The following EML6 variants were observed in gnomAD, a reference collection of about 807,000 sequenced individuals.
The protein encoded by EML6 is EMAP like 6.
Under a neutral mutation model 240.1 loss-of-function variants are expected in EML6, and 154 were observed. The observed-to-expected ratio is 0.64, with a 90% CI of 0.56 to 0.73. The LOEUF is 0.73. EML6 is among the 30% of genes least tolerant of loss of function. The pLI is 0.00. For synonymous variants in EML6, 1,148 were observed against 899.0 expected, an observed-to-expected ratio of 1.28 and a Z score of -4.95; for missense variants, 2,964 against 2,474.6, an observed-to-expected ratio of 1.20 and a Z score of -4.20.
At chr2:54,802,720 G>T (rs942639863) in intron 2 of EML6, among the ~76,000 whole-genome samples, 1 of 151,256 alleles carries the variant, frequency 6.6e-6, no homozygotes. Context: ...CTGATAAAAG[G>T]CCATGTTACT....
chr2:54,864,893 A>G (rs570862263), intron 13 of EML6, among the ~76,000 whole-genome samples: 26 of 152,346 alleles, frequency 1.7e-4, no homozygotes, highest in African/African-American at 6.0e-4. Flanking sequence ...TGTTCGTACC[A>G]AGACAGTTTA....
chr2:54,796,626 A>G (rs904440602), intron 2 of EML6, among the ~76,000 whole-genome samples: 4 of 152,078 alleles, frequency 2.6e-5, no homozygotes, highest in African/African-American at 9.7e-5. Context: ...ACACGAGCGC[A>G]CACACACACT....
At chr2:54,843,622 A>G (rs1421797094) in intron 7 of EML6, among the ~76,000 whole-genome samples, 1 of 152,024 alleles carries the variant, frequency 6.6e-6, no homozygotes, top group East Asian at 1.9e-4. Context: ...AGGCGGGCGG[A>G]TCACGAGGTC....
intron 28 of EML6, among the ~76,000 whole-genome samples, chr2:54,933,852 G>C (rs1329039852): frequency 6.6e-6 from 1 of 152,162 alleles, no homozygotes; most frequent in African/African-American, 2.4e-5. Flanking sequence ...CCACATCCAG[G>C]ATCTGAGAGT....
intron 2 of EML6, among the ~76,000 whole-genome samples, chr2:54,728,224 G>T (rs1200164579): frequency 1.3e-5 from 2 of 152,226 alleles, no homozygotes; most frequent in African/African-American, 2.4e-5. Context: ...CAGTAATAGA[G>T]ACTGGGATAA....
intron 7 of EML6, among the ~76,000 whole-genome samples, chr2:54,841,314 G>A (rs6754447): frequency 0.42 from 63,863 of 152,100 alleles, 14,115 homozygotes; most frequent in African/African-American, 0.52. Context: ...CTCCTGGCGG[G>A]AATAATACAT....
chr2:54,734,387 TAA>T (rs374456857), intron 2 of EML6, among the ~76,000 whole-genome samples: 5 of 152,360 alleles, frequency 3.3e-5, no homozygotes, highest in African/African-American at 7.2e-5. Context: ...TCACTTCTCA[TAA>T]GAGACTGTGC....
intron 7 of EML6, among the ~76,000 whole-genome samples, chr2:54,839,101 G>A (rs1005046996): frequency 3.3e-5 from 5 of 152,180 alleles, no homozygotes; most frequent in African/African-American, 1.2e-4. Context: ...TTACATTTCT[G>A]TTCTCTGGGT....
intron 32 of EML6, among the ~76,000 whole-genome samples, chr2:54,955,231 A>G (rs918731502): frequency 6.6e-6 from 1 of 152,200 alleles, no homozygotes; most frequent in African/African-American, 2.4e-5. Flanking sequence ...TGTGATGTCA[A>G]GTGGCCAACT....
chr2:54,967,059 T>A lies in EML6; in HGVS notation c.5553T>A (p.Thr1851=), dbSNP rs1331186508. 1 of 1,551,390 alleles carries A rather than the reference T, an allele frequency of 6.4e-7. No homozygotes were observed. Among genetic ancestry groups the A allele is most frequent in the Admixed American group, 2.0e-5 (1 of 50,988 alleles). ...VHEVPLGKQV[T]EAVVIEKITW... ...AGGTCCCCCTGGGGAAGCAGGTAAC[T>A]GAAGCCGTGGTCATTGAGAAGATCA... The change falls in exon 39 of 42, where the codon ACT becomes ACA. Residue 1851 remains threonine, a synonymous_variant. Coordinates refer to ENST00000356458, the MANE Select transcript of EML6 (RefSeq NM_001039753.4).
Position 54,903,028 on chromosome 2 carries a change from G to T in EML6, c.3125-16G>T, listed in dbSNP as rs1268897045. 4 of 1,542,088 alleles carry T rather than the reference G, an allele frequency of 2.6e-6. No individual in the cohort carries two copies. Among genetic ancestry groups the T allele is most frequent in the African/African-American group, 1.4e-5 (1 of 72,456 alleles). On this transcript the variant is annotated splice_polypyrimidine_tract_variant and intron_variant, in intron 22 of 41. Transcript: ENST00000356458. ...AAGTTTTGGATAATAAGTGTTTTTT[G>T]TGGATTCTTCTGTAGGTGGAAGATG... is the stretch of plus-strand genomic sequence containing the variant.
chr2:54,924,622 C>T (rs1333680487), intron 26 of EML6, among the ~76,000 whole-genome samples: 9 of 152,158 alleles, frequency 5.9e-5, no homozygotes, highest in South Asian at 2.1e-4. Context: ...AGTGCAATGG[C>T]GTGATCTCGG....
At chr2:54,847,403 G>C (rs1250629748) in intron 8 of EML6, 83 bp from the exon 9 acceptor site, 13 of 1,422,942 alleles carry the variant, frequency 9.1e-6, no homozygotes, top group Non-Finnish European at 1.2e-5. Context: ...TGTTGGTGTG[G>C]TGAGCAGCCC....
In EML6 at chr2:54,954,024, C is replaced by G. The variant is rs1350957220; in HGVS notation, c.4354C>G (p.His1452Asp). The G allele has an allele frequency of 6.4e-7, 1 of 1,551,934 alleles. No homozygotes were observed. The highest frequency in any genetic ancestry group is 8.7e-7 in the Non-Finnish European group (1 of 1,146,972). ...CCACATATGGGACGCCATGACCAAA[C>G]ACACCCTCTCCATGCTGCGGTGCTT... ...SIHIWDAMTKHTLSMLRCFHS... is the reference protein window; with the variant it reads ...SIHIWDAMTKDTLSMLRCFHS... Residue 1452 changes from histidine to aspartate, a missense_variant, in exon 32 of 42, where the codon CAC (histidine) becomes GAC (aspartate). Coordinates refer to ENST00000356458, the MANE Select transcript of EML6 (RefSeq NM_001039753.4).
At chr2:54,769,950 C>G (rs1226889765) in intron 2 of EML6, among the ~76,000 whole-genome samples, 1 of 152,046 alleles carries the variant, frequency 6.6e-6, no homozygotes, top group Non-Finnish European at 1.5e-5. Flanking sequence ...CTTTGTAGGC[C>G]TTTTTCTAAG....
intron 2 of EML6, among the ~76,000 whole-genome samples, chr2:54,811,465 T>C (rs550012686): frequency 3.3e-5 from 5 of 152,188 alleles, no homozygotes; most frequent in Non-Finnish European, 7.3e-5. Context: ...CACTCCATCC[T>C]CCATCTTTCT....
At chr2:54,933,747 A>G (rs529611286) in intron 28 of EML6, among the ~76,000 whole-genome samples, 1 of 152,210 alleles carries the variant, frequency 6.6e-6, no homozygotes, top group African/African-American at 2.4e-5. Context: ...GAAAGAAAAA[A>G]AAACCCACTA....
chr2:54,848,420 A>T (rs951920138), intron 9 of EML6, among the ~76,000 whole-genome samples: 1 of 152,010 alleles, frequency 6.6e-6, no homozygotes, highest in African/African-American at 2.4e-5. Flanking sequence ...CACATAACTC[A>T]TTACTGAACT....
chr2:54,890,908 T>C (rs1672431915), intron 17 of EML6, 146 bp from the exon 18 acceptor site: 2 of 451,590 alleles, frequency 4.4e-6, no homozygotes, highest in East Asian at 3.1e-5. Context: ...GTTATTTTAA[T>C]GTAGATGCCC....
Sources: gnomAD v4.1 joint callset for allele counts (sites outside exome capture counted in the v4.1 genomes callset) on GRCh38, gnomAD v4.1.1 for gene constraint, MANE v1.5 for transcripts, NCBI Gene and HGNC (gene_info 2026-07-23, HGNC 2026-07-21) for gene names.